Variants in MSRB3 observed in about 807,000 individuals in gnomAD.
The protein encoded by MSRB3 is methionine-R-sulfoxide reductase B3.
MSRB3 carries 13 observed loss-of-function variants against 21.0 expected under a neutral mutation model. That is an observed-to-expected ratio of 0.62 (90% CI 0.40 to 0.98). MSRB3 has a LOEUF of 0.98. MSRB3 is among the 50% of genes least tolerant of loss of function. The pLI, the probability that MSRB3 is intolerant of heterozygous loss-of-function variation, is 0.00. For missense variants in MSRB3, 199 were observed against 230.3 expected (o/e 0.86, Z 0.88); for synonymous variants, 87 against 88.6 (o/e 0.98, Z 0.10).
At position 65,453,777 on chromosome 12, in the gene MSRB3, A is replaced by C. The variant is rs372222625; in HGVS notation, c.342A>C (p.Thr114=). The change falls in exon 6 of 7, where the codon ACA becomes ACC. Residue 114 remains threonine, a synonymous_variant. Coordinates refer to ENST00000308259, the MANE Select transcript of MSRB3 (RefSeq NM_001031679.3). ...TCAATTCTGAGGCAATCACATTCAC[A>C]GATGACTTTTCCTATGGGATGCACA... The part of the protein sequence containing the change: ...DVINSEAITF[T]DDFSYGMHRV... 2.8e-5 allele frequency: 46 copies of C among 1,614,168 alleles called. No individual in the cohort carries two copies. The highest frequency in any genetic ancestry group is 3.3e-4 in the Middle Eastern group (2 of 6,062).
At chr12:65,352,206 C>T (rs1310531181) in intron 4 of MSRB3, among the ~76,000 whole-genome samples, 1 of 152,152 alleles carries the variant, frequency 6.6e-6, no homozygotes, top group Non-Finnish European at 1.5e-5. Context: ...GAGCCAACGA[C>T]AAAAACCACA....
chr12:65,411,427 A>C (rs1197125646), intron 5 of MSRB3, among the ~76,000 whole-genome samples: 1 of 152,200 alleles, frequency 6.6e-6, no homozygotes, highest in South Asian at 2.1e-4. Context: ...ACTTTTGTAC[A>C]TATGCTACCC....
intron 5 of MSRB3, among the ~76,000 whole-genome samples, chr12:65,436,647 A>G (rs540420765): frequency 3.2e-4 from 49 of 152,024 alleles, no homozygotes; most frequent in African/African-American, 1.1e-3. Context: ...TCATTACATA[A>G]TGTTGTTTAT....
chr12:65,354,629 A>AT (rs750752641), intron 4 of MSRB3, among the ~76,000 whole-genome samples: 184 of 151,264 alleles, frequency 1.2e-3, no homozygotes, highest in African/African-American at 2.6e-3. Flanking sequence ...CATTCGTTTA[A>AT]TTTTTTTTTA....
intron 5 of MSRB3, among the ~76,000 whole-genome samples, chr12:65,431,661 T>G (rs1881884385): frequency 6.6e-6 from 1 of 152,046 alleles, no homozygotes; most frequent in African/African-American, 2.4e-5. Flanking sequence ...AGAACCATTG[T>G]GTGTTCCTAT....
intron 5 of MSRB3, among the ~76,000 whole-genome samples, chr12:65,425,758 A>G (rs1881567997): frequency 6.6e-6 from 1 of 152,046 alleles, no homozygotes; most frequent in Admixed American, 6.6e-5. Context: ...TTTAACTTTC[A>G]TACTAAAAAT....
chr12:65,335,219 A>G (rs142545465), intron 4 of MSRB3, among the ~76,000 whole-genome samples: 1 of 152,340 alleles, frequency 6.6e-6, no homozygotes, highest in African/African-American at 2.4e-5. Flanking sequence ...GGCCTGTCCA[A>G]GTTTTGGGAA....
At chr12:65,424,236 T>G (rs1881465577) in intron 5 of MSRB3, among the ~76,000 whole-genome samples, 1 of 152,062 alleles carries the variant, frequency 6.6e-6, no homozygotes. Context: ...ACCTAAGGGT[T>G]TGTTGATCTT....
chr12:65,466,887 TAAAA>T lies in MSRB3; in HGVS notation c.*3566_*3569del. 1 of 152,366 alleles carries T rather than the reference TAAAA, an allele frequency of 6.6e-6. No homozygotes were observed. Among genetic ancestry groups the T allele is most frequent in the Admixed American group, 6.5e-5 (1 of 15,312 alleles). The allele number at this position is 152,366 out of a possible 1,614,324, so 9.4% of individuals were successfully genotyped here. On this transcript the variant is annotated 3_prime_UTR_variant, in exon 7 of 7. Coordinates refer to ENST00000308259, the MANE Select transcript of MSRB3 (RefSeq NM_001031679.3). ...TTTATTGTATACAAGAATTATGCAA[TAAAA>T]TTTCTTTATAAAAATATTTTCTTCT...
intron 5 of MSRB3, chr12:65,418,865 G>T: frequency 1.3e-6 from 1 of 766,862 alleles, no homozygotes; most frequent in Admixed American, 1.9e-5. Flanking sequence ...ATGTCTTCTG[G>T]CAGGCAGTGA....
intron 1 of MSRB3, among the ~76,000 whole-genome samples, 158 bp from the exon 2 acceptor site, chr12:65,308,367 AAAGT>A (rs1481017471): frequency 6.6e-6 from 1 of 152,222 alleles, no homozygotes; most frequent in Non-Finnish European, 1.5e-5. Context: ...AGCTAGATTG[AAAGT>A]AAGCTCACGG....
chr12:65,325,127 A>G (rs572988377), intron 2 of MSRB3, among the ~76,000 whole-genome samples: 29 of 152,354 alleles, frequency 1.9e-4, no homozygotes, highest in African/African-American at 2.4e-5. Context: ...AAACTCACCT[A>G]TCACTGTTGA....
At chr12:65,288,070 T>C (rs60045842) in intron 1 of MSRB3, among the ~76,000 whole-genome samples, 13,419 of 151,932 alleles carry the variant, frequency 0.088, 1,566 homozygotes, top group African/African-American at 0.26. Flanking sequence ...TTTGGGAGGC[T>C]GAGTCGGGCG....
intron 5 of MSRB3, among the ~76,000 whole-genome samples, chr12:65,422,866 GAAA>G (rs1368260239): frequency 1.3e-5 from 2 of 151,590 alleles, no homozygotes; most frequent in Non-Finnish European, 2.9e-5. Context: ...TTAGTGTATA[GAAA>G]TGTAACTGAG....
At chr12:65,460,385 G>GT (rs1555215292) in intron 6 of MSRB3, among the ~76,000 whole-genome samples, 1 of 151,600 alleles carries the variant, frequency 6.6e-6, no homozygotes, top group Non-Finnish European at 1.5e-5. Flanking sequence ...AAGAAACCGG[G>GT]TAACAGTCCT....
chr12:65,364,202 A>G (rs926348688), intron 4 of MSRB3, among the ~76,000 whole-genome samples: 1 of 152,186 alleles, frequency 6.6e-6, no homozygotes, highest in African/African-American at 2.4e-5. Flanking sequence ...AATAACTCAG[A>G]TGTTATCACC....
intron 5 of MSRB3, among the ~76,000 whole-genome samples, chr12:65,433,243 T>C (rs1881967088): frequency 6.6e-6 from 1 of 151,968 alleles, no homozygotes; most frequent in Non-Finnish European, 1.5e-5. Context: ...TTTTAGTTTC[T>C]TCTGTTACAA....
rs368651018 is a variant in MSRB3, at chr12:65,279,728, TG to T, written c.-52+869del. The stretch of plus-strand genomic sequence containing the variant: ...TCTTCTTGAATCATGTGGGAACTGT[TG>T]GGGGGAATTTAATATCAGATTATTA... On this transcript the variant is annotated intron_variant, in intron 1 of 6. Coordinates refer to ENST00000308259, the MANE Select transcript of MSRB3 (RefSeq NM_001031679.3). 4.1e-3 allele frequency among the ~76,000 whole-genome samples: 626 copies of T among 152,278 alleles called. 5 individuals carry two copies. Among genetic ancestry groups the T allele is most frequent in the African/African-American group, 0.014 (567 of 41,568 alleles).
chr12:65,362,484 A>AT (rs1475967549), intron 4 of MSRB3, among the ~76,000 whole-genome samples: 3 of 152,100 alleles, frequency 2.0e-5, no homozygotes, highest in Non-Finnish European at 2.9e-5. Flanking sequence ...GGGAGTGCAC[A>AT]TTTTTTAGCA....
Sources: gnomAD v4.1 joint callset for allele counts (sites outside exome capture counted in the v4.1 genomes callset) on GRCh38, gnomAD v4.1.1 for gene constraint, MANE v1.5 for transcripts, NCBI Gene and HGNC (gene_info 2026-07-23, HGNC 2026-07-21) for gene names.